The following PTPN1 variants were observed in gnomAD, a reference collection of about 807,000 sequenced individuals.
PTPN1 encodes protein tyrosine phosphatase non-receptor type 1, also known as tyrosine-protein phosphatase non-receptor type 1.
In PTPN1, 12 loss-of-function variants were observed where a neutral mutation model predicts 59.9. That is an observed-to-expected ratio of 0.20 (90% CI 0.13 to 0.32). The LOEUF (loss-of-function observed/expected upper bound fraction) is 0.32, where lower values mean the gene tolerates loss of function less well. Among genes scored for constraint, PTPN1 ranks in the 10% least tolerant of loss-of-function variants. PTPN1 has a pLI of 1.00. For missense variants in PTPN1, 356 were observed against 549.2 expected, an observed-to-expected ratio of 0.65 and a Z score of 3.52; for synonymous variants, 178 against 203.6, an observed-to-expected ratio of 0.87 and a Z score of 1.07.
intron 3 of PTPN1, among the ~76,000 whole-genome samples, chr20:50,567,322 G>A (rs1225758992): frequency 6.6e-6 from 1 of 152,152 alleles, no homozygotes; most frequent in Non-Finnish European, 1.5e-5. Context: ...AGCTACTTGG[G>A]AGGCTGAGAC....
intron 1 of PTPN1, among the ~76,000 whole-genome samples, chr20:50,532,274 A>G (rs1255554782): frequency 1.3e-5 from 2 of 152,242 alleles, no homozygotes; most frequent in Non-Finnish European, 2.9e-5. Flanking sequence ...GGTAAAAGCC[A>G]TGGCTAGTCT....
intron 1 of PTPN1, among the ~76,000 whole-genome samples, chr20:50,550,553 G>T (rs2082697807): frequency 6.6e-6 from 1 of 152,230 alleles, no homozygotes; most frequent in Admixed American, 6.5e-5. Context: ...ACAAGTAATT[G>T]AGAAAATAGG....
Position 50,583,077 on chromosome 20 carries a change from C to CG in PTPN1, c.*362_*363insG, listed in dbSNP as rs1230011088. 6.6e-6 allele frequency: 2 copies of CG among 301,552 alleles called. No individual in the cohort carries two copies. Among genetic ancestry groups the CG allele is most frequent in the African/African-American group, 4.2e-5 (2 of 47,670 alleles). The allele number at this position is 301,552 out of a possible 1,614,324, so 18.7% of individuals were successfully genotyped here. On this transcript the variant is annotated 3_prime_UTR_variant, in exon 10 of 10. Transcript: ENST00000371621. ...GCGGGCGGCACGCCAACAGCCCCCC[C>CG]CTTGAATCTGCAGGGAGCAACTCTC...
chr20:50,575,216 A>G (rs1419660865), intron 5 of PTPN1, among the ~76,000 whole-genome samples: 1 of 152,224 alleles, frequency 6.6e-6, no homozygotes, highest in African/African-American at 2.4e-5. Flanking sequence ...GGGCTTTGGA[A>G]TAATTCCCCT....
At position 50,582,558 on chromosome 20, in the gene PTPN1, A is replaced by G. The variant is rs2082874140; in HGVS notation, c.1285-134A>G. On this transcript the variant is annotated intron_variant, in intron 9 of 9. Coordinates refer to ENST00000371621, the MANE Select transcript of PTPN1 (RefSeq NM_002827.4). This position sits in a 1 kb window ranked among gnomAD's most constrained non-coding sequence, Gnocchi z 4.2. ...ATTTTTGGGGAGAGGGGGCTACTGTAAAAAATAAAACCAAAACCCCCTTTG... is the reference window on the plus strand; with the variant it reads ...ATTTTTGGGGAGAGGGGGCTACTGTGAAAAATAAAACCAAAACCCCCTTTG... 4 of 903,262 alleles carry G rather than the reference A, an allele frequency of 4.4e-6. No individual in the cohort carries two copies. Among genetic ancestry groups the G allele is most frequent in the Non-Finnish European group, 6.8e-6 (4 of 592,128 alleles). The allele number at this position is 903,262 out of a possible 1,614,324, so 56.0% of individuals were successfully genotyped here.
At chr20:50,574,247 AGCCCT>A (rs2122796138) in intron 4 of PTPN1, 1 of 418,558 alleles carries the variant, frequency 2.4e-6, no homozygotes, top group East Asian at 4.5e-5. Flanking sequence ...AAAGCGTCAG[AGCCCT>A]GCAGGATCCC....
chr20:50,535,108 G>A (rs1478434839), intron 1 of PTPN1, among the ~76,000 whole-genome samples: 3 of 152,196 alleles, frequency 2.0e-5, no homozygotes, highest in Non-Finnish European at 4.4e-5. Context: ...CTTCTCATCT[G>A]TGGTCTTCAA....
At chr20:50,548,683 G>A (rs1384518753) in intron 1 of PTPN1, among the ~76,000 whole-genome samples, 1 of 151,970 alleles carries the variant, frequency 6.6e-6, no homozygotes, top group Non-Finnish European at 1.5e-5. Context: ...TGAGATTATA[G>A]GTGTGAACCA....
intron 1 of PTPN1, among the ~76,000 whole-genome samples, chr20:50,533,820 C>T (rs569010042): frequency 6.6e-6 from 1 of 152,272 alleles, no homozygotes; most frequent in African/African-American, 2.4e-5. Context: ...CCAGATTGTT[C>T]CACAAGTGCC....
At chr20:50,535,606 A>G (rs78773329) in intron 1 of PTPN1, among the ~76,000 whole-genome samples, 3,762 of 152,324 alleles carry the variant, frequency 0.025, 138 homozygotes, top group African/African-American at 0.082. Context: ...GCTGCTAGAA[A>G]GAACAGTGTT....
intron 1 of PTPN1, among the ~76,000 whole-genome samples, chr20:50,535,915 ATTGCC>A (rs1165350179): frequency 2.0e-5 from 3 of 152,166 alleles, no homozygotes; most frequent in Non-Finnish European, 4.4e-5. Context: ...TGAATACTAC[ATTGCC>A]AGTATCAAAC....
chr20:50,565,844 AT>A (rs1453647067), intron 3 of PTPN1, among the ~76,000 whole-genome samples: 1 of 152,200 alleles, frequency 6.6e-6, no homozygotes, highest in African/African-American at 2.4e-5. Flanking sequence ...GATTTTGAAC[AT>A]TTGTAATTTT....
At position 50,584,083 on chromosome 20, in the gene PTPN1, T is replaced by C. The variant is rs916580139; in HGVS notation, c.*1368T>C. The C allele has an allele frequency of 2.0e-5, 3 of 152,694 alleles. No individual in the cohort carries two copies. The highest frequency in any genetic ancestry group is 7.2e-5 in the African/African-American group (3 of 41,454). 9.5% of individuals were successfully genotyped at this position (152,694 alleles called of 1,614,324 possible). On this transcript the variant is annotated 3_prime_UTR_variant, in exon 10 of 10. Transcript: ENST00000371621. ...TGGGGCCTGATGGTGCTCACGACTC[T>C]TCCTGCAAAGGGAACTGAAGACCTC...
intron 2 of PTPN1, among the ~76,000 whole-genome samples, chr20:50,562,038 C>T (rs1205551201): frequency 3.3e-5 from 5 of 152,104 alleles, no homozygotes; most frequent in African/African-American, 4.8e-5. Context: ...GTCAGTCTGC[C>T]GGTAGCTGAA....
chr20:50,536,870 A>G (rs1280785482), intron 1 of PTPN1, among the ~76,000 whole-genome samples: 4 of 152,102 alleles, frequency 2.6e-5, no homozygotes, highest in Non-Finnish European at 5.9e-5. Context: ...TTTTTATGCT[A>G]TATTTCATGT....
rs1251310006 is a variant in PTPN1 at position 50,579,752 on chromosome 20, A to G, written c.914A>G (p.His305Arg). The G allele has an allele frequency of 1.2e-6, 2 of 1,613,016 alleles. No individual in the cohort carries two copies. Among genetic ancestry groups the G allele is most frequent in the Admixed American group, 3.3e-5 (2 of 60,004 alleles). Residue 305 changes from histidine to arginine, a missense_variant, in exon 8 of 10, where the codon CAT becomes CGT. Around this residue, in one of 3 missense-constraint regions of PTPN1, gnomAD observed 100 missense variants for 107.7 expected, o/e 0.93. Transcript: ENST00000371621. Reference protein sequence around the residue: ...SHEDLEPPPEHIPPPPRPPKR... With the variant: ...SHEDLEPPPERIPPPPRPPKR... ...GAGGACCTGGAGCCCCCACCCGAGCATATCCCCCCACCTCCCCGGCCACCC... is the reference window on the plus strand; with the variant it reads ...GAGGACCTGGAGCCCCCACCCGAGCGTATCCCCCCACCTCCCCGGCCACCC...
In PTPN1 at chr20:50,511,709, T is replaced by C. The variant is rs145433948; in HGVS notation, c.63+1119T>C. Reference sequence around the variant, plus strand: ...TTCACAAGCAGCTGAATAAGATACATACTCCCAATTAAATGTCATTGCGGG... The same window carrying C: ...TTCACAAGCAGCTGAATAAGATACACACTCCCAATTAAATGTCATTGCGGG... On this transcript the variant is annotated intron_variant, in intron 1 of 9. Coordinates refer to ENST00000371621, the MANE Select transcript of PTPN1 (RefSeq NM_002827.4). Among the ~76,000 whole-genome samples, 3 of 152,326 alleles carry C rather than the reference T, an allele frequency of 2.0e-5. No individual in the cohort carries two copies. The East Asian group carries it at 5.8e-4, about 29-fold the overall frequency.
At chr20:50,513,110 A>G (rs1236506867) in intron 1 of PTPN1, among the ~76,000 whole-genome samples, 1 of 152,234 alleles carries the variant, frequency 6.6e-6, no homozygotes, top group Non-Finnish European at 1.5e-5. Flanking sequence ...GGAATGTGGC[A>G]GCTTGGAAAA....
chr20:50,566,569 C>T (rs1013859187), intron 3 of PTPN1, among the ~76,000 whole-genome samples: 17 of 152,120 alleles, frequency 1.1e-4, no homozygotes, highest in Non-Finnish European at 2.2e-4. Flanking sequence ...ACACTATGAC[C>T]GAAACATTTC....
Sources: gnomAD v4.1 joint callset for allele counts (sites outside exome capture counted in the v4.1 genomes callset) on GRCh38, gnomAD v4.1.1 for gene constraint, gnomAD v4.1.1 regional missense constraint, Gnocchi (gnomAD v3.1) non-coding constraint, MANE v1.5 for transcripts, NCBI Gene and HGNC (gene_info 2026-07-23, HGNC 2026-07-21) for gene names.